The following SSH3 variants were observed in gnomAD, a reference collection of about 807,000 sequenced individuals.
The protein encoded by SSH3 is slingshot protein phosphatase 3.
A neutral mutation model predicts 75.0 loss-of-function variants in SSH3; 67 were observed. The ratio of observed to expected loss-of-function variants is 0.89; its 90% CI spans 0.73 to 1.10. SSH3 has a LOEUF of 1.10. Ranked by LOEUF, SSH3 falls within the 50% of genes least tolerant of loss-of-function variation. SSH3 has a pLI of 0.00. For missense variants in SSH3, 824 were observed against 872.7 expected, an observed-to-expected ratio of 0.94 and a Z score of 0.70; for synonymous variants, 318 against 349.2, an observed-to-expected ratio of 0.91 and a Z score of 1.00.
In SSH3 at chr11:67,309,442, C is replaced by T. The variant is rs746831898; in HGVS notation, c.1107C>T (p.Tyr369=). 2 of 1,614,208 alleles carry T rather than the reference C, an allele frequency of 1.2e-6. No individual in the cohort carries two copies. The highest frequency in any genetic ancestry group is 1.1e-5 in the South Asian group (1 of 91,086). ...TGGCCCGGGAGATTGACAACTTCTA[C>T]CCTGAGCGCTTCACCTACCACAATG... The part of the protein sequence containing the change: ...LNMAREIDNF[Y]PERFTYHNVR... The change falls in exon 11 of 14, where the codon TAC becomes TAT. Residue 369 remains tyrosine, a synonymous_variant. Transcript: ENST00000308127.
intron 1 of SSH3, 139 bp from the exon 2 acceptor site, chr11:67,303,979 C>T (rs966682961): frequency 2.5e-6 from 3 of 1,176,540 alleles, no homozygotes; most frequent in Non-Finnish European, 3.5e-6. Flanking sequence ...CGGGGCCTCC[C>T]GGTGGGGCGT....
Position 67,312,079 on chromosome 11 carries a change from C to T in SSH3, c.*192C>T. On this transcript the variant is annotated 3_prime_UTR_variant, in exon 14 of 14. Transcript: ENST00000308127. ...TCACTACAGCCTCACCTCCTACAGC[C>T]TTAAGTCCCAGGCCCATGTCTGCCT... 2 of 745,348 alleles carry T rather than the reference C, an allele frequency of 2.7e-6. No homozygotes were observed. The highest frequency in any genetic ancestry group is 2.0e-5 in the South Asian group (1 of 50,672). The allele number at this position is 745,348 out of a possible 1,614,324, so 46.2% of individuals were successfully genotyped here.
intron 1 of SSH3, 43 bp downstream of exon 1, chr11:67,303,734 C>T (rs1477928024): frequency 7.0e-7 from 1 of 1,438,550 alleles, no homozygotes; most frequent in Non-Finnish European, 9.1e-7. Flanking sequence ...CAGTTGCTGC[C>T]CCGGCTTGGG....
rs1294202547 is a variant in SSH3 at position 67,304,876 on chromosome 11, A to T, written c.208A>T (p.Ser70Cys). 6.2e-7 allele frequency: 1 copy of T among 1,613,670 alleles called. No homozygotes were observed. The highest frequency in any genetic ancestry group is 8.5e-7 in the Non-Finnish European group (1 of 1,180,004). The change falls in exon 3 of 14, where the codon AGT becomes TGT. Residue 70 changes from serine to cysteine, a missense_variant. Ser to Cys is a moderately radical substitution (Grantham distance 112, BLOSUM62 -1). Transcript: ENST00000308127. ...TTCTGAGCCAACAGAGAAGGCCCCG[A>T]GTGAGGAGGAGCTCCACGGGGACCA... The part of the protein sequence containing the change: ...ASSEPTEKAP[S>C]EEELHGDQTD...
At position 67,309,488 on chromosome 11, in the gene SSH3, T is replaced by G; in HGVS notation, c.1153T>G (p.Ser385Ala). 6.2e-7 allele frequency: 1 copy of G among 1,613,718 alleles called. No individual in the cohort carries two copies. The part of the protein sequence containing the change: ...YHNVRLWDEE[S>A]AQLLPHWKET... ...CAATGTGCGCCTCTGGGATGAGGAG[T>G]CGGCCCAGCTGCTGCCGCACTGGAA... is the stretch of plus-strand genomic sequence containing the variant. Residue 385 changes from serine to alanine, a missense_variant, in exon 11 of 14, where the codon TCG becomes GCG. Transcript: ENST00000308127.
chr11:67,303,756 C>T (rs1861134404), intron 1 of SSH3, 65 bp downstream of exon 1: 2 of 1,396,310 alleles, frequency 1.4e-6, no homozygotes, highest in Non-Finnish European at 1.9e-6. Flanking sequence ...GCGCGTCCTG[C>T]CCGCCAGCGG....
At chr11:67,310,569 A>T (rs950655825) in intron 13 of SSH3, among the ~76,000 whole-genome samples, 22 of 152,158 alleles carry the variant, frequency 1.4e-4, no homozygotes, top group African/African-American at 4.8e-4. Context: ...TGTCCCATGA[A>T]TACCCCTGAA....
chr11:67,308,480 G>A lies in SSH3; in HGVS notation c.1061+22G>A. 1 of 1,564,090 alleles carries A rather than the reference G, an allele frequency of 6.4e-7. No individual in the cohort carries two copies. Among genetic ancestry groups the A allele is most frequent in the African/African-American group, 1.4e-5 (1 of 73,532 alleles). ...ACAGGTAGGGCTATGAGCCCCTCGG[G>A]CCACCCACCCCATCTTCCCTTCTCC... On this transcript the variant is annotated intron_variant, in intron 10 of 13. Transcript: ENST00000308127. The surrounding 1 kb of genome is among the most constrained non-coding windows in gnomAD (Gnocchi z 4.9).
rs977976696 is a variant in SSH3 at position 67,303,801 on chromosome 11, C to T, written c.66+110C>T. On this transcript the variant is annotated intron_variant, in intron 1 of 13. Coordinates refer to ENST00000308127, the MANE Select transcript of SSH3 (RefSeq NM_017857.4). ...GAACGGGGACATGAGGAGGGGGCCCCGGGGCTCGGGCTGGAGGGCGCTGGG... is the reference window on the plus strand; with the variant it reads ...GAACGGGGACATGAGGAGGGGGCCCTGGGGCTCGGGCTGGAGGGCGCTGGG... 33 of 1,194,560 alleles carry T rather than the reference C, an allele frequency of 2.8e-5. No homozygotes were observed. The African/African-American group carries it at 4.5e-4, about 16-fold the overall frequency. 74.0% of individuals were successfully genotyped at this position (1,194,560 alleles called of 1,614,324 possible). A position where few individuals can be genotyped will look rare whatever the true frequency, so the allele number is the denominator to read the frequency against.
Position 67,308,436 on chromosome 11 carries a change from C to A in SSH3, c.1039C>A (p.Leu347Met). 1 of 1,603,514 alleles carries A rather than the reference C, an allele frequency of 6.2e-7. No individual in the cohort carries two copies. ...YLGSEWNAAN[L>M]EELQRNRVTH... ...GGGCTCAGAGTGGAACGCAGCAAACCTGGAGGAGCTGCAGAGGAACAGGTA... is the reference window on the plus strand; with the variant it reads ...GGGCTCAGAGTGGAACGCAGCAAACATGGAGGAGCTGCAGAGGAACAGGTA... The change falls in exon 10 of 14, where the codon CTG becomes ATG. Residue 347 changes from leucine (L) to methionine (M), a missense_variant. Transcript: ENST00000308127. This position sits in a 1 kb window ranked among gnomAD's most constrained non-coding sequence, Gnocchi z 4.9.
rs1255933532 is a variant in SSH3, at chr11:67,311,974, T to C, written c.*87T>C. 2.6e-6 allele frequency: 4 copies of C among 1,549,742 alleles called. No homozygotes were observed. The highest frequency in any genetic ancestry group is 2.1e-5 in the Admixed American group (1 of 47,596). On this transcript the variant is annotated 3_prime_UTR_variant, in exon 14 of 14. Transcript: ENST00000308127. The stretch of plus-strand genomic sequence containing the variant: ...ACCCTCACGTCTGTTGCCGCACACA[T>C]TCCTCTCAGCTCCGCCCCATACCCG...
At chr11:67,309,681 G>A in intron 11 of SSH3, 87 bp from the exon 12 acceptor site, 2 of 1,588,706 alleles carry the variant, frequency 1.3e-6, no homozygotes, top group East Asian at 2.2e-5. Context: ...CTCTCAGTTG[G>A]TTGTGAGCCC....
chr11:67,307,494 G>C lies in SSH3; in HGVS notation c.603-55G>C. 6.2e-7 allele frequency: 1 copy of C among 1,613,074 alleles called. No individual in the cohort carries two copies. The highest frequency in any genetic ancestry group is 8.5e-7 in the Non-Finnish European group (1 of 1,179,582). ...CCTCTCCTTCGAAGGAGGCTGCAGG[G>C]CCTGGGGAAGGGCAGCAAGGGAACA... On this transcript the variant is annotated intron_variant, in intron 6 of 13. Transcript: ENST00000308127. This position sits in a 1 kb window ranked among gnomAD's most constrained non-coding sequence, Gnocchi z 4.2.
intron 3 of SSH3, among the ~76,000 whole-genome samples, chr11:67,305,906 G>A (rs892748201): frequency 1.8e-4 from 27 of 152,204 alleles, no homozygotes; most frequent in Admixed American, 4.6e-4. Context: ...ATCCCCTATC[G>A]TGAGATTTTG....
chr11:67,309,494 C>T lies in SSH3; in HGVS notation c.1159C>T (p.Gln387Ter). The T allele has an allele frequency of 3.1e-6, 5 of 1,614,144 alleles. No individual in the cohort carries two copies. The highest frequency in any genetic ancestry group is 2.2e-5 in the East Asian group (1 of 44,892). ...GCGCCTCTGGGATGAGGAGTCGGCCCAGCTGCTGCCGCACTGGAAGGAGAC... is the reference window on the plus strand; with the variant it reads ...GCGCCTCTGGGATGAGGAGTCGGCCTAGCTGCTGCCGCACTGGAAGGAGAC... ...NVRLWDEESA[Q>*]LLPHWKETHR... Residue 387 changes from glutamine to a stop codon, truncating the protein, a stop_gained, in exon 11 of 14, where the codon CAG becomes TAG. Transcript: ENST00000308127. LOFTEE classifies it high-confidence loss of function.
chr11:67,309,840 T>C lies in SSH3; in HGVS notation c.1281T>C (p.Tyr427=). The change falls in exon 12 of 14, where the codon TAT becomes TAC. Residue 427 remains tyrosine, a synonymous_variant. Transcript: ENST00000308127. Reference sequence around the variant, plus strand: ...GCTCAGCGGCCACAGTGCTGGCCTATGCCATGAAGCAGTACGAATGCAGCC... The same window carrying C: ...GCTCAGCGGCCACAGTGCTGGCCTACGCCATGAAGCAGTACGAATGCAGCC... ...VSRSAATVLA[Y]AMKQYECSLE... 1 of 1,613,454 alleles carries C rather than the reference T, an allele frequency of 6.2e-7. No individual in the cohort carries two copies. Among genetic ancestry groups the C allele is most frequent in the Non-Finnish European group, 8.5e-7 (1 of 1,180,046 alleles).
At chr11:67,309,339 T>G (rs3737460) in intron 10 of SSH3, 58 bp from the exon 11 acceptor site, 1,535,496 of 1,602,032 alleles carry the variant, frequency 0.96, 736,701 homozygotes, top group South Asian at 0.97. Flanking sequence ...CAGGTCCGAT[T>G]GCCAGTGGGC....
rs777886337 is a variant in SSH3, at chr11:67,304,846, G to T, written c.178G>T (p.Ala60Ser). ...AGGGGACAATGATGATGCAGCAGAG[G>T]CCAGTTCTGAGCCAACAGAGAAGGC... ...DGGDNDDAAE[A>S]SSEPTEKAPS... The change falls in exon 3 of 14, where the codon GCC becomes TCC. Residue 60 changes from alanine to serine, a missense_variant. Physicochemically the swap from Ala to Ser is moderately conservative, Grantham distance 99. Coordinates refer to ENST00000308127, the MANE Select transcript of SSH3 (RefSeq NM_017857.4). 4 of 1,613,686 alleles carry T rather than the reference G, an allele frequency of 2.5e-6. No homozygotes were observed. In the African/African-American group the frequency reaches 5.3e-5, roughly 22 times the overall value.
chr11:67,309,161 G>A, intron 10 of SSH3: 1 of 559,578 alleles, frequency 1.8e-6, no homozygotes, highest in Non-Finnish European at 3.2e-6. Context: ...AAGGGCTGGA[G>A]TTGCAGTTGG....
Sources: gnomAD v4.1 joint callset for allele counts (sites outside exome capture counted in the v4.1 genomes callset) on GRCh38, gnomAD v4.1.1 for gene constraint, Gnocchi (gnomAD v3.1) non-coding constraint, MANE v1.5 for transcripts, NCBI Gene and HGNC (gene_info 2026-07-23, HGNC 2026-07-21) for gene names.